Variants in EHBP1 observed in about 807,000 individuals in gnomAD.
The protein encoded by EHBP1 is EH domain-binding protein 1.
In EHBP1, 55 loss-of-function variants were observed where a neutral mutation model predicts 144.0. That is an observed-to-expected ratio of 0.38 (90% CI 0.31 to 0.48). The LOEUF is 0.48. EHBP1 is among the 20% of genes least tolerant of loss of function. The pLI, the probability that EHBP1 is intolerant of heterozygous loss-of-function variation, is 0.98. For missense variants in EHBP1, 1,200 were observed against 1,364.2 expected (o/e 0.88, Z 1.90); for synonymous variants, 469 against 472.7 (o/e 0.99, Z 0.10).
In EHBP1 at chr2:62,912,537, G is replaced by A. The variant is rs144390783; in HGVS notation, c.1186-30181G>A. 2.1e-4 allele frequency among the ~76,000 whole-genome samples: 32 copies of A among 152,182 alleles called. No individual in the cohort carries two copies. In the East Asian group the frequency reaches 6.2e-3, roughly 29 times the overall value. On this transcript the variant is annotated intron_variant, in intron 10 of 22. Coordinates refer to ENST00000431489, the MANE Select transcript of EHBP1 (RefSeq NM_001142616.3). ...GCTGCACTCCAGCCTGAGCAACAGA[G>A]CAAGACTCTGTCTCAAAAAATATTT...
chr2:63,030,823 T>A, intron 19 of EHBP1, among the ~76,000 whole-genome samples: 1 of 121,410 alleles, frequency 8.2e-6, no homozygotes. Context: ...TGAGATGGAG[T>A]TTCGCTCTGT....
intron 2 of EHBP1, among the ~76,000 whole-genome samples, chr2:62,710,652 C>T (rs1200572876): frequency 6.6e-6 from 1 of 151,978 alleles, no homozygotes; most frequent in Non-Finnish European, 1.5e-5. Flanking sequence ...TCTTTGCCAA[C>T]CTTGTGACCC....
intron 19 of EHBP1, among the ~76,000 whole-genome samples, chr2:63,016,745 A>C (rs1452676439): frequency 6.6e-6 from 1 of 151,938 alleles, no homozygotes; most frequent in Non-Finnish European, 1.5e-5. Flanking sequence ...ATTATGTTTT[A>C]ATTCAATATG....
chr2:62,892,151 G>A (rs1387533700), intron 10 of EHBP1, among the ~76,000 whole-genome samples: 1 of 152,084 alleles, frequency 6.6e-6, no homozygotes, highest in African/African-American at 2.4e-5. Flanking sequence ...CAAATTCTTA[G>A]AGATTAATAG....
intron 19 of EHBP1, among the ~76,000 whole-genome samples, chr2:63,032,524 G>A (rs13393789): frequency 1.5e-5 from 2 of 129,412 alleles, no homozygotes; most frequent in Non-Finnish European, 3.1e-5. Context: ...CCAAGATCGC[G>A]CCACTGCACT....
At chr2:62,824,382 C>T (rs776856207) in intron 5 of EHBP1, among the ~76,000 whole-genome samples, 19 of 151,912 alleles carry the variant, frequency 1.3e-4, no homozygotes, top group Admixed American at 5.2e-4. Context: ...AAATTGTTAG[C>T]TATTCTAAAG....
intron 2 of EHBP1, among the ~76,000 whole-genome samples, chr2:62,722,517 A>C (rs1156824262): frequency 6.6e-6 from 1 of 152,146 alleles, no homozygotes; most frequent in African/African-American, 2.4e-5. Context: ...TACTTAATCT[A>C]TAAGCCTAAT....
chr2:62,755,292 G>A (rs573568081), intron 3 of EHBP1, among the ~76,000 whole-genome samples: 8 of 152,196 alleles, frequency 5.3e-5, no homozygotes, highest in East Asian at 3.9e-4. Context: ...TTGACATAAC[G>A]TTTTTGAGAT....
rs896013117 is a variant in EHBP1, at chr2:62,948,906, A to G, written c.2060A>G (p.Lys687Arg). ...ATTTGTGAGGAGACAGATGAACAAA[A>G]GCTTCAAACTCTAGACATCGGTAGT... Reference protein sequence around the residue: ...PFICEETDEQKLQTLDIGSNL... With the variant: ...PFICEETDEQRLQTLDIGSNL... Residue 687 changes from lysine to arginine, a missense_variant, in exon 13 of 23, where the codon AAG (lysine) becomes AGG (arginine). Coordinates refer to ENST00000431489, the MANE Select transcript of EHBP1 (RefSeq NM_001142616.3). 6.2e-7 allele frequency: 1 copy of G among 1,614,034 alleles called. No individual in the cohort carries two copies. The highest frequency in any genetic ancestry group is 8.5e-7 in the Non-Finnish European group (1 of 1,179,970).
chr2:62,881,310 G>T (rs1464370649), intron 10 of EHBP1, among the ~76,000 whole-genome samples: 2 of 150,780 alleles, frequency 1.3e-5, no homozygotes, highest in Non-Finnish European at 2.9e-5. Context: ...TTTTACTTGG[G>T]TGATGAAATA....
chr2:62,900,305 G>A (rs867064414), intron 10 of EHBP1, among the ~76,000 whole-genome samples: 12 of 152,106 alleles, frequency 7.9e-5, no homozygotes, highest in South Asian at 4.2e-4. Context: ...AAAAATGGGA[G>A]GTTATCTTAC....
chr2:62,815,990 A>C (rs1442740452), intron 5 of EHBP1, among the ~76,000 whole-genome samples: 2 of 152,234 alleles, frequency 1.3e-5, no homozygotes, highest in East Asian at 3.8e-4. Context: ...TCATTGATAA[A>C]GTTTCAGCCT....
chr2:63,039,403 A>T (rs1052013071), intron 21 of EHBP1, among the ~76,000 whole-genome samples: 6 of 152,200 alleles, frequency 3.9e-5, no homozygotes, highest in African/African-American at 1.4e-4. Flanking sequence ...CAGCTAGCTT[A>T]TCTGGCATTT....
chr2:62,680,832 C>T (rs2033487501), intron 1 of EHBP1, among the ~76,000 whole-genome samples: 4 of 152,134 alleles, frequency 2.6e-5, no homozygotes, highest in Admixed American at 1.3e-4. Context: ...ACTACCAACT[C>T]GTTAGAACCT....
intron 5 of EHBP1, among the ~76,000 whole-genome samples, chr2:62,790,221 CAG>C (rs2043083084): frequency 6.6e-6 from 1 of 152,098 alleles, no homozygotes; most frequent in South Asian, 2.1e-4. Flanking sequence ...AGAAAGCAAA[CAG>C]AGTGGTTTGT....
rs1445035888 is a variant in EHBP1 at position 62,900,682 on chromosome 2, G to GTATATATATATATATATA, written c.1185+26151_1185+26152insATATATATATATATATAT. 3.5e-3 allele frequency among the ~76,000 whole-genome samples: 509 copies of GTATATATATATATATATA among 144,372 alleles called. 21 individuals are homozygous for GTATATATATATATATATA. The highest frequency in any genetic ancestry group is 0.014 in the African/African-American group (484 of 35,566). The allele number at this position is 144,372 out of a possible 152,430, so 94.7% of individuals were successfully genotyped here. On this transcript the variant is annotated intron_variant, in intron 10 of 22. Coordinates refer to ENST00000431489, the MANE Select transcript of EHBP1 (RefSeq NM_001142616.3). Reference sequence around the variant, plus strand: ...TTGTTTTTTGTGGGTGTGTGTGTATGTGTATATATATATATATATATTTTC... The same window carrying GTATATATATATATATATA: ...TTGTTTTTTGTGGGTGTGTGTGTATGTATATATATATATATATATGTATATATATATATATATATTTTC...
chr2:62,714,004 T>C (rs1179004869), intron 2 of EHBP1, among the ~76,000 whole-genome samples: 1 of 152,232 alleles, frequency 6.6e-6, no homozygotes, highest in Non-Finnish European at 1.5e-5. Context: ...ATCATGATTA[T>C]GTCTACACAT....
At chr2:62,788,830 G>C (rs542621487) in intron 5 of EHBP1, among the ~76,000 whole-genome samples, 1 of 152,256 alleles carries the variant, frequency 6.6e-6, no homozygotes, top group South Asian at 2.1e-4. Flanking sequence ...GGCATGCTGT[G>C]ACCCTGTTAG....
At position 62,726,587 on chromosome 2, in the gene EHBP1, C is replaced by G. The variant is rs554397231; in HGVS notation, c.104+19292C>G. Reference sequence around the variant, plus strand: ...CTCTTATCCTATTCCTAATCAAACTCTTACCCATTAGTGTTAGTATTCAGT... The same window carrying G: ...CTCTTATCCTATTCCTAATCAAACTGTTACCCATTAGTGTTAGTATTCAGT... On this transcript the variant is annotated intron_variant, in intron 2 of 22. Transcript: ENST00000431489. The G allele has an allele frequency of 3.3e-5, 5 of 152,328 alleles. No homozygotes were observed. The East Asian group carries it at 9.7e-4, about 29-fold the overall frequency. The allele number at this position is 152,328 out of a possible 1,614,324, so 9.4% of individuals were successfully genotyped here.
Sources: gnomAD v4.1 joint callset for allele counts (sites outside exome capture counted in the v4.1 genomes callset) on GRCh38, gnomAD v4.1.1 for gene constraint, MANE v1.5 for transcripts, NCBI Gene and HGNC (gene_info 2026-07-23, HGNC 2026-07-21) for gene names.